CCDC57: variants seen among roughly 807,000 people sequenced by gnomAD.
The protein encoded by CCDC57 is coiled-coil domain containing 57.
CCDC57 carries 118 observed loss-of-function variants against 118.9 expected under a neutral mutation model. That is an observed-to-expected ratio of 0.99 (90% confidence interval 0.86 to 1.16). CCDC57 has a LOEUF of 1.16. CCDC57 is among the 50% of genes most tolerant of loss of function. The probability of loss-of-function intolerance (pLI) is 0.00; values close to 1 mark genes in which losing one functional copy is unlikely to be tolerated. For missense variants in CCDC57, 1,300 were observed against 1,320.7 expected (o/e 0.98, Z 0.24); for synonymous variants, 527 against 532.9 (o/e 0.99, Z 0.15).
At chr17:82,179,092 TGTC>T in exon 10 of CCDC57, 2 of 1,613,996 alleles carry the variant, frequency 1.2e-6, no homozygotes, top group Non-Finnish European at 1.7e-6. Flanking sequence ...TCCCTTTCAA[TGTC>T]ATCACAGCGG....
Position 82,174,385 on chromosome 17 carries a change from C to T in CCDC57, c.1507-1525G>A, listed in dbSNP as rs1006427859. 3.9e-5 allele frequency among the ~76,000 whole-genome samples: 6 copies of T among 152,356 alleles called. No individual in the cohort carries two copies. In the South Asian group the frequency reaches 1.2e-3, roughly 32 times the overall value. On this transcript the variant is annotated intron_variant, in intron 11 of 19. Transcript: ENST00000665763. ...GCCTAACCCTGTTTTTACTCTAACT[C>T]GCTACTTTAAATTTTGCCCTGTTTG...
chr17:82,188,088 TGA>T (rs2047196127), intron 8 of CCDC57, 129 bp downstream of exon 7: 1 of 624,068 alleles, frequency 1.6e-6, no homozygotes, highest in Admixed American at 3.8e-5. Flanking sequence ...GAAAAGTGAC[TGA>T]GAGCTACAGA....
chr17:82,134,255 T>C (rs4789753), intron 16 of CCDC57, 61 bp from the exon 16 acceptor site: 977,568 of 1,260,580 alleles, frequency 0.78, 380,195 homozygotes, highest in East Asian at 0.94. Flanking sequence ...TCCTCTTGTG[T>C]TGAATGCAAA....
At chr17:82,122,558 A>C (rs1326567600) in intron 19 of CCDC57, among the ~76,000 whole-genome samples, 1 of 144,820 alleles carries the variant, frequency 6.9e-6, no homozygotes, top group Non-Finnish European at 1.5e-5. Context: ...CTGCACCTGC[A>C]GCCACTGCCT....
intron 18 of CCDC57, among the ~76,000 whole-genome samples, 171 bp from the exon 18 acceptor site, chr17:82,128,079 T>G (rs765032271): frequency 1.3e-5 from 2 of 151,972 alleles, no homozygotes; most frequent in Non-Finnish European, 1.5e-5. Flanking sequence ...CAGGGATGCA[T>G]CCGGGGAGCG....
chr17:82,145,000 A>T (rs555773741), intron 16 of CCDC57, among the ~76,000 whole-genome samples: 2 of 149,020 alleles, frequency 1.3e-5, no homozygotes, highest in African/African-American at 4.9e-5. Context: ...CTCCAAATCA[A>T]TTTTATTTCT....
At chr17:82,104,932 T>G (rs77718231) in intron 19 of CCDC57, 1 of 152,232 alleles carries the variant, frequency 6.6e-6, no homozygotes, top group Non-Finnish European at 1.5e-5. Flanking sequence ...CCTGGGGGCA[T>G]GAGAACTCTG....
rs202158239 is a variant in CCDC57 at position 82,198,669 on chromosome 17, AT to A, written c.408-248del. ...TAAAACCCAAAATGTCCAGGATACA[AT>A]TAAAAAAAAAACCTGACAACCAAAA... is the stretch of plus-strand genomic sequence containing the variant. On this transcript the variant is annotated intron_variant, in intron 3 of 19. Coordinates refer to ENST00000665763, the Ensembl canonical transcript of CCDC57. Among the ~76,000 whole-genome samples, 42 of 151,670 alleles carry A rather than the reference AT, an allele frequency of 2.8e-4. 2 individuals are homozygous for A. The East Asian group carries it at 5.8e-3, about 21-fold the overall frequency.
intron 19 of CCDC57, among the ~76,000 whole-genome samples, chr17:82,106,884 GGT>G (rs1598609919): frequency 6.6e-6 from 1 of 152,336 alleles, no homozygotes; most frequent in East Asian, 1.9e-4. Flanking sequence ...GGCCTTCCCA[GGT>G]CTGCCAGGCC....
rs2044830889 is a variant in CCDC57 at position 82,172,165 on chromosome 17, G to A, written c.1730-312C>T. On this transcript the variant is annotated intron_variant, in intron 12 of 19. Coordinates refer to ENST00000665763, the Ensembl canonical transcript of CCDC57. The surrounding 1 kb of genome is among the most constrained non-coding windows in gnomAD (Gnocchi z 5.2). ...CAGCCCACGTGCCTCTGTGCAGAGG[G>A]GCCAAGTCCCATCTCGAGAACGGAA... 6.6e-6 allele frequency among the ~76,000 whole-genome samples: 1 copy of A among 152,190 alleles called. No homozygotes were observed. The highest frequency in any genetic ancestry group is 6.5e-5 in the Admixed American group (1 of 15,278).
chr17:82,173,245 T>C (rs926943783), intron 11 of CCDC57, among the ~76,000 whole-genome samples: 11 of 152,298 alleles, frequency 7.2e-5, no homozygotes, highest in Admixed American at 1.3e-4. Context: ...ATGCGCTTCA[T>C]GCTGCTGAAC....
At chr17:82,181,228 G>C (rs1164721106) in intron 9 of CCDC57, among the ~76,000 whole-genome samples, 1 of 152,224 alleles carries the variant, frequency 6.6e-6, no homozygotes, top group African/African-American at 2.4e-5. Context: ...ACACCGGCTG[G>C]GCCAAGAGCA....
At chr17:82,107,390 G>A (rs1568133329) in intron 19 of CCDC57, 2 of 466,512 alleles carry the variant, frequency 4.3e-6, no homozygotes, top group Non-Finnish European at 8.8e-6. Context: ...GTGGGGAGTG[G>A]CTGCCTCGAA....
At chr17:82,126,047 G>A (rs1025930457) in intron 19 of CCDC57, among the ~76,000 whole-genome samples, 4 of 152,284 alleles carry the variant, frequency 2.6e-5, no homozygotes, top group Non-Finnish European at 4.4e-5. Flanking sequence ...CTGGGAGGCC[G>A]AGGTGGGCGG....
At position 82,201,680 on chromosome 17, in the gene CCDC57, G is replaced by A. The variant is rs759931984; in HGVS notation, c.265C>T (p.Arg89Trp). 2.7e-5 allele frequency: 44 copies of A among 1,613,156 alleles called. No homozygotes were observed. In the Admixed American group the frequency reaches 5.0e-4, roughly 18 times the overall value. The change falls in exon 3 of 20, where the codon CGG becomes TGG. Residue 89 changes from arginine to tryptophan, a missense_variant. By Grantham distance (101) the Arg-to-Trp change is moderately radical. Transcript: ENST00000665763. ...ATCTTGAGCTCGCTCACCTCTGCCCGCCTGGCCTCTTCCCACTCCCTGGCC... is the reference window on the plus strand; with the variant it reads ...ATCTTGAGCTCGCTCACCTCTGCCCACCTGGCCTCTTCCCACTCCCTGGCC...
chr17:82,163,684 T>C (rs1251308815), intron 13 of CCDC57, among the ~76,000 whole-genome samples: 1 of 147,308 alleles, frequency 6.8e-6, no homozygotes, highest in Non-Finnish European at 1.5e-5. Context: ...AGAAAAAAGA[T>C]GCCACATAAC....
At chr17:82,193,731 T>G in intron 7 of CCDC57, 25 bp downstream of exon 6, 1 of 1,572,782 alleles carries the variant, frequency 6.4e-7, no homozygotes, top group Non-Finnish European at 8.7e-7. Flanking sequence ...ACATGCTGCA[T>G]GATGTTGGGA....
intron 11 of CCDC57, among the ~76,000 whole-genome samples, chr17:82,173,162 G>A (rs2044993837): frequency 6.6e-6 from 1 of 152,180 alleles, no homozygotes; most frequent in South Asian, 2.1e-4. Context: ...AGTGTTTCTT[G>A]GGGACAGAGC....
rs2047210111 is a variant in CCDC57, at chr17:82,188,188, A to G, written c.1052+31T>C. Reference sequence around the variant, plus strand: ...CACAGCCACGGCCGTCCCTGCCCTCACCCTCTGGGTGGAGCCAAGCACACG... The same window carrying G: ...CACAGCCACGGCCGTCCCTGCCCTCGCCCTCTGGGTGGAGCCAAGCACACG... On this transcript the variant is annotated intron_variant, in intron 8 of 19. Coordinates refer to ENST00000665763, the Ensembl canonical transcript of CCDC57. 7.9e-6 allele frequency: 12 copies of G among 1,516,102 alleles called. No individual in the cohort carries two copies. In the East Asian group the frequency reaches 3.0e-4, roughly 38 times the overall value. 93.9% of individuals were successfully genotyped at this position (1,516,102 alleles called of 1,614,324 possible). A position where few individuals can be genotyped will look rare whatever the true frequency, so the allele number is the denominator to read the frequency against.
Sources: gnomAD v4.1 joint callset for allele counts (sites outside exome capture counted in the v4.1 genomes callset) on GRCh38, gnomAD v4.1.1 for gene constraint, Gnocchi (gnomAD v3.1) non-coding constraint, MANE v1.5 for transcripts, NCBI Gene and HGNC (gene_info 2026-07-23, HGNC 2026-07-21) for gene names.